CENPI: variants seen among roughly 807,000 people sequenced by gnomAD.
CENPI encodes the protein centromere protein I, also known as FSH primary response 1.
CENPI carries 4 observed loss-of-function variants against 60.4 expected under a neutral mutation model. The observed-to-expected ratio is 0.07, with a 90% CI of 0.03 to 0.15. The LOEUF is 0.15. Among genes scored for constraint, CENPI ranks in the 10% least tolerant of loss-of-function variants. The probability of loss-of-function intolerance (pLI) is 1.00; values close to 1 mark genes in which losing one functional copy is unlikely to be tolerated. For synonymous variants in CENPI, 157 were observed against 189.4 expected (o/e 0.83, Z 1.40); for missense variants, 444 against 534.5 (o/e 0.83, Z 1.67).
chrX:101,110,188 A>G (rs1403170406), intron 6 of CENPI, among the ~76,000 whole-genome samples, 190 bp downstream of exon 6: 2 of 112,358 alleles, frequency 1.8e-5, no homozygotes, highest in South Asian at 7.3e-4. Flanking sequence ...ATAACATTCT[A>G]TTTTGCACCT....
At chrX:101,168,442 T>C (rs1048142167), downstream of CENPI, among the ~76,000 whole-genome samples, 1 of 111,989 alleles carries the variant, frequency 8.9e-6, no homozygotes, top group Non-Finnish European at 1.9e-5. Context: ...GGCGTGTGCC[T>C]GTAATCCCAG....
Position 101,127,203 on chromosome X carries a change from G to A in CENPI, c.843G>A (p.Arg281=). 8.4e-7 allele frequency: 1 copy of A among 1,197,015 alleles called. No individual in the cohort carries two copies. Among genetic ancestry groups the A allele is most frequent in the Non-Finnish European group, 1.1e-6 (1 of 888,596 alleles). The part of the protein sequence containing the change: ...TALLAVKQRN[R]GPSPEPLKLM... ...TGCTTGCCGTGAAGCAAAGAAACCGGGGACCTTCTCCAGAACCTCTGAAGT... is the reference window on the plus strand; with the variant it reads ...TGCTTGCCGTGAAGCAAAGAAACCGAGGACCTTCTCCAGAACCTCTGAAGT... Residue 281 remains arginine, a synonymous_variant, in exon 10 of 22, where the codon CGG becomes CGA. Transcript: ENST00000682095.
intron 15 of CENPI, among the ~76,000 whole-genome samples, chrX:101,135,039 A>G (rs748492370): frequency 8.9e-6 from 1 of 111,771 alleles, no homozygotes; most frequent in Non-Finnish European, 1.9e-5. Flanking sequence ...ACAAAATTTA[A>G]AAAAGGAATT....
chrX:101,101,235 A>G lies in CENPI; in HGVS notation c.165A>G (p.Glu55=), dbSNP rs2089412658. The change falls in exon 3 of 22, where the codon GAA becomes GAG. Residue 55 remains glutamate, a synonymous_variant. Transcript: ENST00000682095. ...HGQNNPVGDY[E]HADDQAEEDA... Reference sequence around the variant, plus strand: ...AAAACAATCCAGTGGGAGATTATGAACATGCTGATGATCAAGCTGAAGAAG... The same window carrying G: ...AAAACAATCCAGTGGGAGATTATGAGCATGCTGATGATCAAGCTGAAGAAG... 8.3e-7 allele frequency: 1 copy of G among 1,208,598 alleles called. No individual in the cohort carries two copies. Among genetic ancestry groups the G allele is most frequent in the African/African-American group, 1.7e-5 (1 of 57,245 alleles).
chrX:101,166,246 C>T (rs2090143770), downstream of CENPI, among the ~76,000 whole-genome samples: 1 of 111,896 alleles, frequency 8.9e-6, no homozygotes, highest in African/African-American at 3.2e-5. Flanking sequence ...ACCTCTGCCT[C>T]CCGGATTCAA....
At position 101,107,276 on chromosome X, in the gene CENPI, T is replaced by TA. The variant is rs1370372953; in HGVS notation, c.365-2188dup. On this transcript the variant is annotated intron_variant, in intron 4 of 21. Transcript: ENST00000682095. ...TAAATAAATCAGTCTATTAGGCCAT[T>TA]AAAAAAAAATCTTTGAAATTTCCCT... 4.7e-3 allele frequency among the ~76,000 whole-genome samples: 516 copies of TA among 109,594 alleles called. 2 individuals are homozygous for TA. The highest frequency in any genetic ancestry group is 0.016 in the African/African-American group (489 of 30,335).
At chrX:101,119,200 C>G (rs1006092358) in intron 6 of CENPI, among the ~76,000 whole-genome samples, 4 of 111,588 alleles carry the variant, frequency 3.6e-5, no homozygotes, top group African/African-American at 9.8e-5. Context: ...AATAAAAATT[C>G]CATATCTAAA....
Position 101,127,790 on chromosome X carries a change from T to C in CENPI, c.1074+125T>C, listed in dbSNP as rs141223383. On this transcript the variant is annotated intron_variant, in intron 11 of 21. Transcript: ENST00000682095. The stretch of plus-strand genomic sequence containing the variant: ...CTTACCTGTCACCCAGGCAGTGGTG[T>C]GATCATGGCTCACTGCTGCCTTGAA... 6.5e-4 allele frequency: 331 copies of C among 507,246 alleles called. No homozygotes were observed. In the African/African-American group the frequency reaches 7.2e-3, roughly 11 times the overall value. The allele number at this position is 507,246 out of a possible 1,213,427, so 41.8% of individuals were successfully genotyped here. A position where few individuals can be genotyped will look rare whatever the true frequency, so the allele number is the denominator to read the frequency against.
At chrX:101,131,628 T>C (rs1569501395) in intron 13 of CENPI, among the ~76,000 whole-genome samples, 1 of 111,268 alleles carries the variant, frequency 9.0e-6, no homozygotes, top group Non-Finnish European at 1.9e-5. Context: ...ATGGATGAGA[T>C]TGTCCAGAGA....
downstream of CENPI, among the ~76,000 whole-genome samples, chrX:101,167,686 T>C (rs1490915540): frequency 8.9e-6 from 1 of 111,888 alleles, no homozygotes; most frequent in Non-Finnish European, 1.9e-5. Context: ...GCAAAAGCAA[T>C]CATTCAAAGT....
chrX:101,155,877 T>C (rs1043371668), intron 20 of CENPI, among the ~76,000 whole-genome samples: 3 of 112,584 alleles, frequency 2.7e-5, no homozygotes, highest in African/African-American at 9.7e-5. Context: ...GATTGTCATG[T>C]AAGACTTTTA....
In CENPI at chrX:101,148,078, A is replaced by G; in HGVS notation, c.2011A>G (p.Thr671Ala). The part of the protein sequence containing the change: ...IYIDPEILEK[T>A]GVAEYKNSLN... ...TATTGACCCTGAAATCCTAGAAAAA[A>G]CTGGAGTGGCTGAATATAAAAACAG... The change falls in exon 20 of 22, where the codon ACT becomes GCT. Residue 671 changes from threonine (T) to alanine (A), a missense_variant. By Grantham distance (58) the Thr-to-Ala change is moderately conservative (BLOSUM62 0). Coordinates refer to ENST00000682095, the MANE Select transcript of CENPI (RefSeq NM_001386188.2). 8.5e-7 allele frequency: 1 copy of G among 1,179,958 alleles called. No individual in the cohort carries two copies. The highest frequency in any genetic ancestry group is 3.0e-5 in the East Asian group (1 of 33,613).
rs764108923 is a variant in CENPI at position 101,145,195 on chromosome X, A to G, written c.1697A>G (p.Glu566Gly). Residue 566 changes from glutamate to glycine, a missense_variant, in exon 17 of 22, where the codon GAG (glutamate) becomes GGG (glycine). Transcript: ENST00000682095. ...CTGCACTTTATTTTGGATTTCTATG[A>G]GAAGGTAGTACACATTACATTTTCC... ...FLLHFILDFYEKVCDIYINYN... is the reference protein window; with the variant it reads ...FLLHFILDFYGKVCDIYINYN... 3 of 1,202,864 alleles carry G rather than the reference A, an allele frequency of 2.5e-6. No individual in the cohort carries two copies. The highest frequency in any genetic ancestry group is 3.4e-6 in the Non-Finnish European group (3 of 888,962).
intron 8 of CENPI, among the ~76,000 whole-genome samples, chrX:101,121,176 T>C (rs2089674674): frequency 9.0e-6 from 1 of 111,399 alleles, no homozygotes; most frequent in South Asian, 3.7e-4. Context: ...GCGCCTGGCC[T>C]ATCACTCATT....
In CENPI at chrX:101,141,107, A is replaced by G. The variant is rs150309602; in HGVS notation, c.1565+347A>G. The G allele has an allele frequency of 9.1e-3, 1,090 of 119,877 alleles. 16 individuals are homozygous for G. The highest frequency in any genetic ancestry group is 0.033 in the African/African-American group (1,015 of 31,114). 9.9% of individuals were successfully genotyped at this position (119,877 alleles called of 1,213,427 possible). Reference sequence around the variant, plus strand: ...ATTCTTATATTTAAAGCCAATTTTCATGATGGCTAGAAAAATCTCTAACGT... The same window carrying G: ...ATTCTTATATTTAAAGCCAATTTTCGTGATGGCTAGAAAAATCTCTAACGT... On this transcript the variant is annotated intron_variant, in intron 16 of 21. Transcript: ENST00000682095.
the CENPI span, among the ~76,000 whole-genome samples, chrX:101,174,622 G>A: frequency 9.1e-6 from 1 of 109,851 alleles, no homozygotes; most frequent in Non-Finnish European, 1.9e-5. Flanking sequence ...TTGGGTACTC[G>A]TGGACATAAA....
At chrX:101,127,299 C>A (rs1368288533) in intron 10 of CENPI, 33 bp downstream of exon 10, 1 of 1,124,194 alleles carries the variant, frequency 8.9e-7, no homozygotes, top group South Asian at 2.3e-5. Context: ...ACTTGCATGG[C>A]TTTCTTTTAT....
intron 15 of CENPI, among the ~76,000 whole-genome samples, chrX:101,139,822 T>C (rs11092292): frequency 1.8e-5 from 1 of 55,768 alleles, no homozygotes; most frequent in East Asian, 4.6e-4. Flanking sequence ...TATTGTATGT[T>C]TTTTTTTTTT....
Sources: gnomAD v4.1 joint callset for allele counts (sites outside exome capture counted in the v4.1 genomes callset) on GRCh38, gnomAD v4.1.1 for gene constraint, MANE v1.5 for transcripts, NCBI Gene and HGNC (gene_info 2026-07-23, HGNC 2026-07-21) for gene names.